RAPGEF2: variants seen among roughly 807,000 people sequenced by gnomAD.
The protein encoded by RAPGEF2 is PDZ domain containing guanine nucleotide exchange factor (GEF) 1.
A neutral mutation model predicts 186.7 loss-of-function variants in RAPGEF2; 54 were observed. The ratio of observed to expected loss-of-function variants is 0.29; its 90% CI spans 0.23 to 0.36. The LOEUF (loss-of-function observed/expected upper bound fraction) is 0.36, where lower values mean the gene tolerates loss of function less well. Ranked by LOEUF, RAPGEF2 falls within the 10% of genes least tolerant of loss-of-function variation. The probability of loss-of-function intolerance (pLI) is 1.00; values close to 1 mark genes in which losing one functional copy is unlikely to be tolerated. For synonymous variants in RAPGEF2, 712 were observed against 705.9 expected, an observed-to-expected ratio of 1.01 and a Z score of -0.14; for missense variants, 1,532 against 2,045.0, an observed-to-expected ratio of 0.75 and a Z score of 4.84.
intron 1 of RAPGEF2, among the ~76,000 whole-genome samples, chr4:159,108,907 G>A (rs1370142469): frequency 6.6e-6 from 1 of 151,978 alleles, no homozygotes; most frequent in Non-Finnish European, 1.5e-5. Context: ...TTGTAGAGAT[G>A]AGGGTCTCGC....
At position 159,132,660 on chromosome 4, in the gene RAPGEF2, C is replaced by G. The variant is rs113998548; in HGVS notation, c.69+28429C>G. On this transcript the variant is annotated intron_variant, in intron 1 of 29. Coordinates refer to ENST00000691494, the MANE Select transcript of RAPGEF2 (RefSeq NM_001394067.2). The stretch of plus-strand genomic sequence containing the variant: ...TTTCTTCCAAACCATTCTTTGTTGT[C>G]TATTTCTCACACTCCTTATTTTCTT... Among the ~76,000 whole-genome samples, 1,064 of 152,212 alleles carry G rather than the reference C, an allele frequency of 7.0e-3. 11 individuals are homozygous for G. Among genetic ancestry groups the G allele is most frequent in the African/African-American group, 0.025 (1,019 of 41,538 alleles).
intron 8 of RAPGEF2, among the ~76,000 whole-genome samples, chr4:159,313,433 T>G (rs1764183617): frequency 6.6e-6 from 1 of 152,196 alleles, no homozygotes; most frequent in Non-Finnish European, 1.5e-5. Context: ...TAGGGTTGTT[T>G]TAAGGATTAG....
At chr4:159,162,990 C>G (rs1230347437) in intron 1 of RAPGEF2, among the ~76,000 whole-genome samples, 1 of 152,012 alleles carries the variant, frequency 6.6e-6, no homozygotes, top group East Asian at 1.9e-4. Context: ...TACCTGGTAC[C>G]TCCTCACTCC....
chr4:159,106,052 CT>C (rs1387240732), intron 1 of RAPGEF2, among the ~76,000 whole-genome samples: 1 of 152,182 alleles, frequency 6.6e-6, no homozygotes, highest in African/African-American at 2.4e-5. Context: ...AATAAATGAA[CT>C]GTTAAACTTT....
intron 1 of RAPGEF2, among the ~76,000 whole-genome samples, chr4:159,123,777 C>T (rs1202874767): frequency 6.6e-6 from 1 of 152,098 alleles, no homozygotes; most frequent in Admixed American, 6.5e-5. Context: ...CTCGACCTCC[C>T]AAAGTGCTGG....
intron 7 of RAPGEF2, among the ~76,000 whole-genome samples, chr4:159,283,391 T>C (rs915318392): frequency 2.6e-5 from 4 of 152,310 alleles, no homozygotes; most frequent in Admixed American, 1.3e-4. Flanking sequence ...ACTTTTGTTA[T>C]TGGTTCAGAT....
chr4:159,192,713 G>A (rs1053150042), intron 2 of RAPGEF2, among the ~76,000 whole-genome samples: 3 of 152,176 alleles, frequency 2.0e-5, no homozygotes, highest in African/African-American at 7.2e-5. Context: ...CAGTTAGTCA[G>A]TGGTCATAAA....
chr4:159,334,945 ATAAT>A (rs140493093), intron 17 of RAPGEF2, among the ~76,000 whole-genome samples: 2,344 of 152,314 alleles, frequency 0.015, 66 homozygotes, highest in African/African-American at 0.053. Context: ...AAAAGAAAAA[ATAAT>A]TAAAGGAAGT....
At chr4:159,342,041 A>G (rs1580011752) in intron 20 of RAPGEF2, 94 bp downstream of exon 20, 21 of 1,204,622 alleles carry the variant, frequency 1.7e-5, no homozygotes, top group Middle Eastern at 4.6e-4. Context: ...TATAAATGCT[A>G]TAGGTTTTAA....
intron 1 of RAPGEF2, among the ~76,000 whole-genome samples, chr4:159,169,581 C>T (rs1745683254): frequency 6.6e-6 from 1 of 151,876 alleles, no homozygotes; most frequent in Non-Finnish European, 1.5e-5. Flanking sequence ...ATCTCCCCAA[C>T]AGCCCCCCCT....
chr4:159,268,040 C>A, intron 7 of RAPGEF2: 1 of 1,459,334 alleles, frequency 6.9e-7, no homozygotes, highest in Non-Finnish European at 9.0e-7. Flanking sequence ...CTTGGTTTTC[C>A]CTCCTCCCTT....
intron 28 of RAPGEF2, among the ~76,000 whole-genome samples, chr4:159,354,597 C>T (rs534046203): frequency 2.6e-5 from 4 of 152,142 alleles, no homozygotes; most frequent in African/African-American, 7.2e-5. Context: ...AGGAGTCAGG[C>T]GGACTGGGGA....
intron 3 of RAPGEF2, among the ~76,000 whole-genome samples, chr4:159,197,343 A>T (rs1242689961): frequency 6.6e-6 from 1 of 152,176 alleles, no homozygotes; most frequent in Non-Finnish European, 1.5e-5. Context: ...AGTGAAACGG[A>T]AATACTGTTT....
intron 7 of RAPGEF2, among the ~76,000 whole-genome samples, chr4:159,279,619 A>G (rs1253553465): frequency 5.9e-5 from 9 of 152,186 alleles, no homozygotes; most frequent in Admixed American, 5.9e-4. Flanking sequence ...AATTGCAAGA[A>G]TACAATTTTG....
At chr4:159,169,109 A>T (rs1745633171) in intron 1 of RAPGEF2, among the ~76,000 whole-genome samples, 1 of 152,220 alleles carries the variant, frequency 6.6e-6, no homozygotes, top group South Asian at 2.1e-4. Context: ...CAGAGCAAGT[A>T]TTCAATACTT....
intron 19 of RAPGEF2, among the ~76,000 whole-genome samples, chr4:159,340,667 C>CCACACACACACACACA (rs3071283): frequency 7.8e-5 from 6 of 76,846 alleles, no homozygotes; most frequent in African/African-American, 2.7e-4. Context: ...ACCACCATCA[C>CCACACACACACACACA]CACACACACA....
chr4:159,245,328 T>C (rs1345004713), intron 7 of RAPGEF2, among the ~76,000 whole-genome samples: 1 of 152,056 alleles, frequency 6.6e-6, no homozygotes, highest in Non-Finnish European at 1.5e-5. Context: ...TGGCTTTCAT[T>C]AGCATTTTCT....
At chr4:159,118,379 C>G (rs139015543) in intron 1 of RAPGEF2, among the ~76,000 whole-genome samples, 1 of 152,052 alleles carries the variant, frequency 6.6e-6, no homozygotes, top group Non-Finnish European at 1.5e-5. Flanking sequence ...GCTCAGGGCT[C>G]GTGCTGATTC....
In RAPGEF2 at chr4:159,282,562, A is replaced by G. The variant is rs528312760; in HGVS notation, c.544-21780A>G. 2.2e-4 allele frequency: 94 copies of G among 429,630 alleles called. 2 individuals are homozygous for G. The highest frequency in any genetic ancestry group is 1.5e-3 in the South Asian group (90 of 58,700). 26.6% of individuals were successfully genotyped at this position (429,630 alleles called of 1,614,324 possible). A position where few individuals can be genotyped will look rare whatever the true frequency, so the allele number is the denominator to read the frequency against. On this transcript the variant is annotated intron_variant, in intron 7 of 29. Coordinates refer to ENST00000691494, the MANE Select transcript of RAPGEF2 (RefSeq NM_001394067.2). ...AGTTCATTATGTGGATACAAATTCT[A>G]TGCTTTCGGCTTTTATACACCAAGT... is the stretch of plus-strand genomic sequence containing the variant.
Sources: gnomAD v4.1 joint callset for allele counts (sites outside exome capture counted in the v4.1 genomes callset) on GRCh38, gnomAD v4.1.1 for gene constraint, MANE v1.5 for transcripts, NCBI Gene and HGNC (gene_info 2026-07-23, HGNC 2026-07-21) for gene names.